Variants in AGAP1 observed in about 807,000 individuals in gnomAD.
AGAP1 encodes the protein ArfGAP with GTPase domain, ankyrin repeat and PH domain 1.
In AGAP1, 29 loss-of-function variants were observed where a neutral mutation model predicts 105.3. The ratio of observed to expected loss-of-function variants is 0.28; its 90% CI spans 0.21 to 0.38. The LOEUF is 0.38. Ranked by LOEUF, AGAP1 falls within the 10% of genes least tolerant of loss-of-function variation. The probability of loss-of-function intolerance (pLI) is 1.00; values close to 1 mark genes in which losing one functional copy is unlikely to be tolerated. For missense variants in AGAP1, 998 were observed against 1,165.1 expected (o/e 0.86, Z 2.09); for synonymous variants, 509 against 485.9 (o/e 1.05, Z -0.63).
chr2:236,039,400 G>A (rs866471892), intron 14 of AGAP1, among the ~76,000 whole-genome samples: 1 of 152,070 alleles, frequency 6.6e-6, no homozygotes, highest in Non-Finnish European at 1.5e-5. Flanking sequence ...AGCTATGATT[G>A]CACTACTCCA....
chr2:235,582,471 A>AT lies in AGAP1; in HGVS notation c.163+87624dup, dbSNP rs1422726272. Among the ~76,000 whole-genome samples, 4 of 152,146 alleles carry AT rather than the reference A, an allele frequency of 2.6e-5. No individual in the cohort carries two copies. Among genetic ancestry groups the AT allele is most frequent in the Non-Finnish European group, 5.9e-5 (4 of 68,040 alleles). Reference sequence around the variant, plus strand: ...CTTAGACATCATGGGAGCTCATTGCATTGATGAAGCCCTCTTGAGTCAGAT... The same window carrying AT: ...CTTAGACATCATGGGAGCTCATTGCATTTGATGAAGCCCTCTTGAGTCAGAT... On this transcript the variant is annotated intron_variant, in intron 1 of 17. Transcript: ENST00000304032. This position sits in a 1 kb window ranked among gnomAD's most constrained non-coding sequence, Gnocchi z 4.7.
In AGAP1 at chr2:235,855,035, TA is replaced by T. The variant is rs1410130517; in HGVS notation, c.1051-28308del. On this transcript the variant is annotated intron_variant, in intron 9 of 17. Coordinates refer to ENST00000304032, the MANE Select transcript of AGAP1 (RefSeq NM_001037131.3). The surrounding 1 kb of genome is among the most constrained non-coding windows in gnomAD (Gnocchi z 5.0). ...CTTGTATTTGTTACTTCTGAAATCT[TA>T]ATGCCAGTTATTTTAAACTAGGGTG... Among the ~76,000 whole-genome samples, 1 of 152,206 alleles carries T rather than the reference TA, an allele frequency of 6.6e-6. No individual in the cohort carries two copies. The highest frequency in any genetic ancestry group is 2.4e-5 in the African/African-American group (1 of 41,464).
At chr2:235,670,295 C>A in intron 1 of AGAP1, 1 of 445,954 alleles carries the variant, frequency 2.2e-6, no homozygotes, top group Non-Finnish European at 3.9e-6. Context: ...CCCGGACGCG[C>A]CCGGGAGGCT....
At chr2:235,543,715 C>T (rs1399374634) in intron 1 of AGAP1, among the ~76,000 whole-genome samples, 1 of 152,168 alleles carries the variant, frequency 6.6e-6, no homozygotes, top group Non-Finnish European at 1.5e-5. Context: ...CCCTGCAGGC[C>T]TAGGAGGCTG....
At position 235,751,762 on chromosome 2, in the gene AGAP1, C is replaced by T. The variant is rs1357450910; in HGVS notation, c.673+1274C>T. Among the ~76,000 whole-genome samples, 1 of 152,196 alleles carries T rather than the reference C, an allele frequency of 6.6e-6. No individual in the cohort carries two copies. The highest frequency in any genetic ancestry group is 2.1e-4 in the South Asian group (1 of 4,826). On this transcript the variant is annotated intron_variant, in intron 6 of 17. Coordinates refer to ENST00000304032, the MANE Select transcript of AGAP1 (RefSeq NM_001037131.3). This position sits in a 1 kb window ranked among gnomAD's most constrained non-coding sequence, Gnocchi z 5.3. ...TCAGATACTTACCTGTTTTTCAGCA[C>T]GTTGGTCCTAGTTACTGCTTCATGG...
intron 1 of AGAP1, among the ~76,000 whole-genome samples, chr2:235,707,691 C>T (rs1022390382): frequency 1.3e-5 from 1 of 74,836 alleles, no homozygotes; most frequent in African/African-American, 3.8e-5. Flanking sequence ...GGGACGTGCT[C>T]CCCAGCCTGT....
chr2:235,798,216 G>A (rs547413776), intron 7 of AGAP1, among the ~76,000 whole-genome samples: 46 of 152,262 alleles, frequency 3.0e-4, no homozygotes, highest in African/African-American at 1.0e-3. Context: ...TTGAACAGTT[G>A]TGAGTAAATC....
rs1457922438 is a variant in AGAP1 at position 236,096,174 on chromosome 2, C to T, written c.2115-24018C>T. On this transcript the variant is annotated intron_variant, in intron 16 of 17. Transcript: ENST00000304032. The surrounding 1 kb of genome is among the most constrained non-coding windows in gnomAD (Gnocchi z 4.4). ...ATCCAGTAGGTAACTTCACTGGCTT[C>T]TTCACACAAATGTGGCTCTTCTCAT... Among the ~76,000 whole-genome samples, 1 of 152,194 alleles carries T rather than the reference C, an allele frequency of 6.6e-6. No homozygotes were observed. Among genetic ancestry groups the T allele is most frequent in the Non-Finnish European group, 1.5e-5 (1 of 68,038 alleles).
At chr2:236,070,895 T>C (rs570350618) in intron 16 of AGAP1, among the ~76,000 whole-genome samples, 11 of 152,194 alleles carry the variant, frequency 7.2e-5, no homozygotes, top group Non-Finnish European at 1.3e-4. Context: ...TGAAAAATGC[T>C]AAAACCATTG....
At chr2:235,589,472 G>T (rs2149208182) in intron 1 of AGAP1, among the ~76,000 whole-genome samples, 1 of 152,182 alleles carries the variant, frequency 6.6e-6, no homozygotes, top group African/African-American at 2.4e-5. Flanking sequence ...ATCCCAAAGT[G>T]TTGGGATTAC....
At chr2:235,546,649 G>A (rs1469211333) in intron 1 of AGAP1, among the ~76,000 whole-genome samples, 1 of 152,068 alleles carries the variant, frequency 6.6e-6, no homozygotes, top group Non-Finnish European at 1.5e-5. Flanking sequence ...GGTGACGGGT[G>A]TGTGGGGGCA....
At chr2:235,820,362 G>A (rs899121515) in intron 9 of AGAP1, among the ~76,000 whole-genome samples, 9 of 152,116 alleles carry the variant, frequency 5.9e-5, no homozygotes, top group African/African-American at 1.9e-4. Flanking sequence ...CACAGAAGTG[G>A]TCACATTTTT....
At chr2:236,122,722 T>A (rs1356989690) in intron 17 of AGAP1, among the ~76,000 whole-genome samples, 3 of 141,184 alleles carry the variant, frequency 2.1e-5, no homozygotes, top group African/African-American at 8.1e-5. Context: ...TCACTCTGTC[T>A]CCCGGGCTGG....
intron 10 of AGAP1, among the ~76,000 whole-genome samples, chr2:235,907,207 T>C (rs1415612812): frequency 1.3e-5 from 2 of 152,242 alleles, no homozygotes; most frequent in African/African-American, 4.8e-5. Context: ...CAACTATCTC[T>C]CTGCATCGGG....
In AGAP1 at chr2:235,728,677, T is replaced by C. The variant is rs1248679529; in HGVS notation, c.310+11033T>C. Among the ~76,000 whole-genome samples, 1 of 151,798 alleles carries C rather than the reference T, an allele frequency of 6.6e-6. No homozygotes were observed. The highest frequency in any genetic ancestry group is 1.5e-5 in the Non-Finnish European group (1 of 68,028). ...TTATTTTCTGAGCCCCATTTCTTAA[T>C]GTTGTATATTTTTTTAAAAATTAAC... On this transcript the variant is annotated intron_variant, in intron 3 of 17. Coordinates refer to ENST00000304032, the MANE Select transcript of AGAP1 (RefSeq NM_001037131.3). This position sits in a 1 kb window ranked among gnomAD's most constrained non-coding sequence, Gnocchi z 4.3.
intron 16 of AGAP1, among the ~76,000 whole-genome samples, chr2:236,111,725 G>A (rs2059648148): frequency 1.3e-5 from 2 of 151,050 alleles, no homozygotes; most frequent in Admixed American, 6.6e-5. Context: ...CCAGGAGTTC[G>A]AGGCTGCAGT....
At chr2:235,677,410 A>T (rs1209387684) in intron 1 of AGAP1, among the ~76,000 whole-genome samples, 3 of 152,296 alleles carry the variant, frequency 2.0e-5, no homozygotes, top group Middle Eastern at 3.4e-3. Flanking sequence ...AGAAATGAAG[A>T]TAATTTTTAT....
intron 1 of AGAP1, among the ~76,000 whole-genome samples, chr2:235,687,233 G>A (rs897273171): frequency 1.3e-5 from 2 of 152,184 alleles, no homozygotes; most frequent in Admixed American, 6.5e-5. Context: ...TCTTCAGGCA[G>A]TTAATTTTCC....
rs1289316675 is a variant in AGAP1 at position 236,009,268 on chromosome 2, C to A, written c.1646-27293C>A. Among the ~76,000 whole-genome samples the A allele has an allele frequency of 2.6e-5, 4 of 152,204 alleles. No individual in the cohort carries two copies. Among genetic ancestry groups the A allele is most frequent in the African/African-American group, 9.7e-5 (4 of 41,448 alleles). ...TTCAAATGGCCAGCACAAAAGAAAT[C>A]CCCAATCTCTAACCTCACAATGAAA... On this transcript the variant is annotated intron_variant, in intron 13 of 17. Transcript: ENST00000304032. This position sits in a 1 kb window ranked among gnomAD's most constrained non-coding sequence, Gnocchi z 4.2.
Sources: allele counts gnomAD v4.1 joint callset (sites outside exome capture counted in the v4.1 genomes callset), GRCh38; gene constraint gnomAD v4.1.1; non-coding constraint Gnocchi (gnomAD v3.1); transcripts MANE v1.5; gene names NCBI Gene and HGNC (gene_info 2026-07-23, HGNC 2026-07-21).